The following NRG1 variants were observed in gnomAD, a reference collection of about 807,000 sequenced individuals.
NRG1 encodes pro-neuregulin-1, membrane-bound isoform.
Under a neutral mutation model 63.8 loss-of-function variants are expected in NRG1, and 18 were observed. The observed-to-expected ratio is 0.28, with a 90% confidence interval of 0.19 to 0.42. The LOEUF is 0.42. Ranked by LOEUF, NRG1 falls within the 10% of genes least tolerant of loss-of-function variation. The pLI is 1.00. For synonymous variants in NRG1, 302 were observed against 301.3 expected, an observed-to-expected ratio of 1.00 and a Z score of -0.02; for missense variants, 762 against 814.7, an observed-to-expected ratio of 0.94 and a Z score of 0.79.
intron 1 of NRG1, among the ~76,000 whole-genome samples, chr8:32,054,859 CTTTCTTTTTTTTT>C (rs1822605342): frequency 1.3e-4 from 9 of 70,662 alleles, no homozygotes; most frequent in African/African-American, 4.5e-4. Flanking sequence ...AGATTTCTTT[CTTTCTTTTTTTTT>C]TTTTTTTTTT....
intron 1 of NRG1, among the ~76,000 whole-genome samples, chr8:32,388,006 G>A (rs4577917): frequency 0.35 from 53,400 of 152,078 alleles, 9,871 homozygotes; most frequent in Middle Eastern, 0.43. Flanking sequence ...ACAGACTTTC[G>A]GATGAGGATT....
intron 1 of NRG1, among the ~76,000 whole-genome samples, chr8:31,941,619 G>T (rs1035613835): frequency 6.6e-6 from 1 of 152,060 alleles, no homozygotes; most frequent in Non-Finnish European, 1.5e-5. Flanking sequence ...GTTTGCAGAT[G>T]ATATGATGGT....
At chr8:32,754,113 C>T (rs1315087010) in intron 7 of NRG1, among the ~76,000 whole-genome samples, 6 of 152,082 alleles carry the variant, frequency 3.9e-5, no homozygotes, top group African/African-American at 1.4e-4. Flanking sequence ...ATATATATCT[C>T]TATAGCTTAT....
At chr8:32,640,033 A>G (rs1246741200) in intron 5 of NRG1, among the ~76,000 whole-genome samples, 1 of 152,204 alleles carries the variant, frequency 6.6e-6, no homozygotes, top group Non-Finnish European at 1.5e-5. Context: ...AGAATGAAAA[A>G]CAAACAACAG....
intron 1 of NRG1, among the ~76,000 whole-genome samples, chr8:32,276,966 GT>G (rs1852172835): frequency 6.6e-6 from 1 of 152,172 alleles, no homozygotes. Context: ...AAGTAAGGTT[GT>G]TACCTGTGGC....
intron 1 of NRG1, among the ~76,000 whole-genome samples, chr8:32,180,983 A>C (rs1841373070): frequency 1.3e-5 from 2 of 152,114 alleles, no homozygotes. Context: ...TAGATTCCAC[A>C]TGTAAGTGAG....
chr8:31,740,964 C>T (rs1247476705), intron 1 of NRG1, among the ~76,000 whole-genome samples: 1 of 151,984 alleles, frequency 6.6e-6, no homozygotes, highest in East Asian at 1.9e-4. Context: ...ACATGGAAAT[C>T]AGCCTAGGGC....
intron 5 of NRG1, among the ~76,000 whole-genome samples, chr8:32,722,401 C>T (rs1820885194): frequency 6.6e-6 from 1 of 152,162 alleles, no homozygotes; most frequent in Non-Finnish European, 1.5e-5. Flanking sequence ...GCAAGAAAAG[C>T]AAGCCATCCT....
rs1445361001 is a variant in NRG1, at chr8:32,023,350, T to C, written c.37+383919T>C. Among the ~76,000 whole-genome samples, 3 of 152,016 alleles carry C rather than the reference T, an allele frequency of 2.0e-5. No homozygotes were observed. The South Asian group carries it at 6.2e-4, about 32-fold the overall frequency. On this transcript the variant is annotated intron_variant, in intron 1 of 10. Coordinates refer to the NRG1 transcript ENST00000519301. ...ACAAAAAGTGAAAATTCCACAAAAG[T>C]GGAATGAAACTTGATTTATAGTGCC...
intron 1 of NRG1, among the ~76,000 whole-genome samples, chr8:31,657,519 G>T (rs905764630): frequency 1.3e-5 from 2 of 152,122 alleles, no homozygotes; most frequent in Non-Finnish European, 2.9e-5. Flanking sequence ...AGTTCATGTG[G>T]CCCAGGGTTT....
chr8:32,012,985 A>T (rs1316618134), intron 1 of NRG1, among the ~76,000 whole-genome samples: 1 of 152,076 alleles, frequency 6.6e-6, no homozygotes, highest in African/African-American at 2.4e-5. Flanking sequence ...TTGAATGAGA[A>T]AGAGATGAAA....
At chr8:31,820,076 G>T (rs1217481893) in intron 1 of NRG1, among the ~76,000 whole-genome samples, 1 of 143,444 alleles carries the variant, frequency 7.0e-6, no homozygotes, top group Non-Finnish European at 1.6e-5. Flanking sequence ...GTGATGAACA[G>T]TGATTTTTAT....
intron 1 of NRG1, among the ~76,000 whole-genome samples, chr8:32,519,766 A>T (rs1830160046): frequency 6.6e-6 from 1 of 152,174 alleles, no homozygotes; most frequent in Non-Finnish European, 1.5e-5. Flanking sequence ...GAGAGATTTG[A>T]AATTTGTGAT....
intron 1 of NRG1, among the ~76,000 whole-genome samples, chr8:31,834,084 T>C (rs939649903): frequency 2.6e-5 from 4 of 152,152 alleles, no homozygotes; most frequent in African/African-American, 9.7e-5. Flanking sequence ...TGAGGCACCA[T>C]GAACAAGCTG....
At chr8:32,460,293 T>G (rs1822156227) in intron 1 of NRG1, among the ~76,000 whole-genome samples, 1 of 152,224 alleles carries the variant, frequency 6.6e-6, no homozygotes, top group South Asian at 2.1e-4. Flanking sequence ...TATAACTACT[T>G]CATTTCTTAC....
At chr8:32,743,573 C>CATATATATATATATAT (rs71879821) in intron 7 of NRG1, among the ~76,000 whole-genome samples, 8,400 of 113,218 alleles carry the variant, frequency 0.074, 446 homozygotes, top group Admixed American at 0.1. Flanking sequence ...TAAGGCAAAA[C>CATATATATATATATAT]ATATATATAT....
At chr8:31,914,677 A>G (rs1346393108) in intron 1 of NRG1, among the ~76,000 whole-genome samples, 2 of 152,160 alleles carry the variant, frequency 1.3e-5, no homozygotes, top group African/African-American at 4.8e-5. Context: ...GTACCAGTTA[A>G]TAAGATTACT....
intron 2 of NRG1, among the ~76,000 whole-genome samples, chr8:32,603,461 C>T (rs917082923): frequency 2.6e-5 from 4 of 151,990 alleles, no homozygotes. Flanking sequence ...CATCGAGTCC[C>T]GACTAGCGCA....
Position 32,721,796 on chromosome 8 carries a change from C to T in NRG1, c.503-6153C>T, listed in dbSNP as rs1406891278. The T allele has an allele frequency of 4.7e-6, 6 of 1,276,270 alleles. No homozygotes were observed. The South Asian group carries it at 1.3e-4, about 27-fold the overall frequency. 79.1% of individuals were successfully genotyped at this position (1,276,270 alleles called of 1,614,324 possible). On this transcript the variant is annotated intron_variant, in intron 5 of 11. Transcript: ENST00000356819. Reference sequence around the variant, plus strand: ...AAAACTAATGACTCCACCTATCATTCCCTTGGCATCTAGAGAAGCTACATT... The same window carrying T: ...AAAACTAATGACTCCACCTATCATTTCCTTGGCATCTAGAGAAGCTACATT...
Sources: allele counts gnomAD v4.1 joint callset (sites outside exome capture counted in the v4.1 genomes callset), GRCh38; gene constraint gnomAD v4.1.1; transcripts MANE v1.5; gene names NCBI Gene and HGNC (gene_info 2026-07-23, HGNC 2026-07-21).